Variants in CACNA2D2 observed in about 807,000 individuals in gnomAD.
CACNA2D2 encodes the protein calcium voltage-gated channel auxiliary subunit alpha2delta 2, also known as voltage-dependent calcium channel subunit alpha-2/delta-2.
CACNA2D2 carries 48 observed loss-of-function variants against 166.4 expected under a neutral mutation model. The ratio of observed to expected loss-of-function variants is 0.29; its 90% CI spans 0.23 to 0.37. The LOEUF is 0.37. Ranked by LOEUF, CACNA2D2 falls within the 10% of genes least tolerant of loss-of-function variation. The probability of loss-of-function intolerance (pLI) is 1.00; values close to 1 mark genes in which losing one functional copy is unlikely to be tolerated. For synonymous variants in CACNA2D2, 561 were observed against 573.7 expected, an observed-to-expected ratio of 0.98 and a Z score of 0.32; for missense variants, 1,122 against 1,433.0, an observed-to-expected ratio of 0.78 and a Z score of 3.50.
intron 1 of CACNA2D2, among the ~76,000 whole-genome samples, chr3:50,476,768 T>A (rs1348760182): frequency 6.6e-6 from 1 of 152,018 alleles, no homozygotes; most frequent in African/African-American, 2.4e-5. Context: ...AACACCCTGG[T>A]AGACAGACGC....
chr3:50,367,280 T>A lies in CACNA2D2; in HGVS notation c.2401+114A>T. 1 of 1,113,934 alleles carries A rather than the reference T, an allele frequency of 9.0e-7. No individual in the cohort carries two copies. Among genetic ancestry groups the A allele is most frequent in the South Asian group, 1.3e-5 (1 of 76,258 alleles). The allele number at this position is 1,113,934 out of a possible 1,614,324, so 69.0% of individuals were successfully genotyped here. Reference sequence around the variant, plus strand: ...CCCTCTTTTCACGTCTGCCCTGGCCTCAGCCAGCCTTGTGTTGGAGAGGGG... The same window carrying A: ...CCCTCTTTTCACGTCTGCCCTGGCCACAGCCAGCCTTGTGTTGGAGAGGGG... On this transcript the variant is annotated intron_variant, in intron 27 of 37. Transcript: ENST00000424201. This position sits in a 1 kb window ranked among gnomAD's most constrained non-coding sequence, Gnocchi z 6.5.
chr3:50,436,805 A>G (rs1360715851), intron 2 of CACNA2D2, among the ~76,000 whole-genome samples: 2 of 152,104 alleles, frequency 1.3e-5, no homozygotes, highest in Non-Finnish European at 2.9e-5. Flanking sequence ...TCCATTCCTG[A>G]GCTGGTAGCC....
Position 50,364,539 on chromosome 3 carries a change from G to A in CACNA2D2, c.*127C>T, listed in dbSNP as rs979105186. On this transcript the variant is annotated 3_prime_UTR_variant, in exon 38 of 38. Coordinates refer to ENST00000424201, the MANE Select transcript of CACNA2D2 (RefSeq NM_006030.4). ...CCAAGGCGCAGACCAGACTCTCAGG[G>A]CCTGGCCAGCTCAGGTCCTTCAGTG... 2.5e-6 allele frequency: 3 copies of A among 1,189,264 alleles called. No homozygotes were observed. Among genetic ancestry groups the A allele is most frequent in the Non-Finnish European group, 3.4e-6 (3 of 875,718 alleles). The allele number at this position is 1,189,264 out of a possible 1,614,324, so 73.7% of individuals were successfully genotyped here. A position where few individuals can be genotyped will look rare whatever the true frequency, so the allele number is the denominator to read the frequency against.
intron 2 of CACNA2D2, among the ~76,000 whole-genome samples, chr3:50,475,202 G>GCTGACC (rs1675942111): frequency 6.6e-6 from 1 of 152,132 alleles, no homozygotes; most frequent in Admixed American, 6.5e-5. Flanking sequence ...GGTTACATCT[G>GCTGACC]CTGACCCTGG....
chr3:50,464,511 C>T (rs535246822), intron 2 of CACNA2D2, among the ~76,000 whole-genome samples: 201 of 152,274 alleles, frequency 1.3e-3, no homozygotes, highest in African/African-American at 4.6e-3. Context: ...GGAACCTATC[C>T]AGCCTCCTGG....
chr3:50,442,466 G>A (rs923311534), intron 2 of CACNA2D2, among the ~76,000 whole-genome samples: 3 of 152,310 alleles, frequency 2.0e-5, no homozygotes, highest in Non-Finnish European at 2.9e-5. Context: ...GATCTAAGAT[G>A]CTTGACCCAG....
intron 4 of CACNA2D2, among the ~76,000 whole-genome samples, chr3:50,392,142 G>A (rs1705919954): frequency 6.6e-6 from 1 of 152,124 alleles, no homozygotes. Flanking sequence ...GAAGGATGTG[G>A]TTTCAGGGGT....
chr3:50,443,601 G>A (rs1404360792), intron 2 of CACNA2D2, among the ~76,000 whole-genome samples: 1 of 152,162 alleles, frequency 6.6e-6, no homozygotes, highest in Non-Finnish European at 1.5e-5. Context: ...ACCACCTTGT[G>A]CAGCCCTGGC....
At chr3:50,475,726 A>G (rs916288) in intron 2 of CACNA2D2, among the ~76,000 whole-genome samples, 115,911 of 152,052 alleles carry the variant, frequency 0.76, 45,509 homozygotes, top group African/African-American at 0.94. Flanking sequence ...TCGGGCTGGT[A>G]TGGACCGGCC....
intron 4 of CACNA2D2, among the ~76,000 whole-genome samples, chr3:50,387,983 G>A (rs1385969229): frequency 1.3e-5 from 2 of 152,236 alleles, no homozygotes; most frequent in Non-Finnish European, 2.9e-5. Flanking sequence ...TTGGGCAGGA[G>A]GGAAATAATG....
At chr3:50,371,539 T>C (rs761362635) in intron 22 of CACNA2D2, among the ~76,000 whole-genome samples, 2 of 152,178 alleles carry the variant, frequency 1.3e-5, no homozygotes, top group African/African-American at 2.4e-5. Context: ...TCCACCTTCT[T>C]AGCCTGTCTC....
At chr3:50,384,394 T>C in intron 5 of CACNA2D2, 57 bp from the exon 6 acceptor site, 2 of 1,595,454 alleles carry the variant, frequency 1.3e-6, no homozygotes, top group Non-Finnish European at 1.7e-6. Flanking sequence ...AATTGGGTTG[T>C]AGAGGCCTGC....
At chr3:50,395,486 A>G (rs1421508688) in intron 3 of CACNA2D2, among the ~76,000 whole-genome samples, 1 of 152,070 alleles carries the variant, frequency 6.6e-6, no homozygotes, top group Non-Finnish European at 1.5e-5. Flanking sequence ...CCTGTCCCAC[A>G]GTGGGGCAGG....
intron 3 of CACNA2D2, among the ~76,000 whole-genome samples, chr3:50,420,441 C>T (rs1707494742): frequency 6.6e-6 from 1 of 152,186 alleles, no homozygotes; most frequent in Admixed American, 6.5e-5. Flanking sequence ...GACTTGAAAA[C>T]AGCTTAAACT....
At chr3:50,485,763 C>A (rs1698253631) in intron 1 of CACNA2D2, among the ~76,000 whole-genome samples, 1 of 152,236 alleles carries the variant, frequency 6.6e-6, no homozygotes, top group African/African-American at 2.4e-5. Flanking sequence ...AACTGAGGCT[C>A]AGGGGTCGCC....
intron 3 of CACNA2D2, among the ~76,000 whole-genome samples, chr3:50,431,110 A>T (rs1708041614): frequency 6.6e-6 from 1 of 152,132 alleles, no homozygotes; most frequent in South Asian, 2.1e-4. Flanking sequence ...AAGGATTTAA[A>T]TTGGATTACT....
At chr3:50,384,483 T>C in intron 5 of CACNA2D2, 146 bp from the exon 6 acceptor site, 1 of 970,690 alleles carries the variant, frequency 1.0e-6, no homozygotes, top group Non-Finnish European at 1.5e-6. Flanking sequence ...GAGACACAGA[T>C]GGAGAGACTC....
chr3:50,492,766 G>C (rs1348712047), intron 1 of CACNA2D2, among the ~76,000 whole-genome samples: 2 of 152,194 alleles, frequency 1.3e-5, no homozygotes, highest in Admixed American at 1.3e-4. Context: ...TGCAGAGGGA[G>C]ATGCATGGCA....
At chr3:50,406,263 A>G (rs1488870545) in intron 3 of CACNA2D2, among the ~76,000 whole-genome samples, 1 of 151,808 alleles carries the variant, frequency 6.6e-6, no homozygotes. Flanking sequence ...AGGCTGGCTC[A>G]TTGTCTTTTC....
Sources: gnomAD v4.1 joint callset for allele counts (sites outside exome capture counted in the v4.1 genomes callset) on GRCh38, gnomAD v4.1.1 for gene constraint, Gnocchi (gnomAD v3.1) non-coding constraint, MANE v1.5 for transcripts, NCBI Gene and HGNC (gene_info 2026-07-23, HGNC 2026-07-21) for gene names.